Variants in ST6GAL1 observed in about 807,000 individuals in gnomAD.
ST6GAL1 encodes the protein ST6 beta-galactoside alpha-2,6-sialyltransferase 1.
Under a neutral mutation model 38.0 loss-of-function variants are expected in ST6GAL1, and 20 were observed. The ratio of observed to expected loss-of-function variants is 0.53; its 90% CI spans 0.37 to 0.77. The LOEUF (loss-of-function observed/expected upper bound fraction) is 0.77. ST6GAL1 is among the 30% of genes least tolerant of loss of function. The pLI is 0.00. For synonymous variants in ST6GAL1, 196 were observed against 188.2 expected (o/e 1.04, Z -0.34); for missense variants, 432 against 496.4 (o/e 0.87, Z 1.23).
intron 2 of ST6GAL1, among the ~76,000 whole-genome samples, chr3:187,024,491 TATAGAG>T (rs112680783): frequency 0.18 from 19,001 of 104,702 alleles, 1,277 homozygotes; most frequent in East Asian, 0.23. Context: ...TATATATATA[TATAGAG>T]AGAGAGAGAG....
chr3:186,979,604 C>A (rs1441164465), intron 2 of ST6GAL1, among the ~76,000 whole-genome samples: 3 of 152,152 alleles, frequency 2.0e-5, no homozygotes, highest in African/African-American at 7.2e-5. Context: ...CGGGGGCATC[C>A]TTCTGGCTGT....
intron 5 of ST6GAL1, among the ~76,000 whole-genome samples, chr3:187,066,601 C>CGTGT (rs3055152): frequency 0.1 from 15,335 of 148,722 alleles, 950 homozygotes; most frequent in East Asian, 0.17. Flanking sequence ...TGCGTGCGTG[C>CGTGT]GTGTGTGTGT....
At chr3:187,000,862 A>G (rs969922319) in intron 2 of ST6GAL1, among the ~76,000 whole-genome samples, 1 of 152,224 alleles carries the variant, frequency 6.6e-6, no homozygotes, top group Non-Finnish European at 1.5e-5. Flanking sequence ...CTGTTTTGCT[A>G]TTAATCACCA....
chr3:187,011,634 G>A (rs1002591063), intron 2 of ST6GAL1, among the ~76,000 whole-genome samples: 2 of 152,212 alleles, frequency 1.3e-5, no homozygotes, highest in African/African-American at 2.4e-5. Flanking sequence ...ACACAGGGAA[G>A]GCCCCTTGCA....
At chr3:186,999,066 T>C (rs949766968) in intron 2 of ST6GAL1, among the ~76,000 whole-genome samples, 1 of 152,232 alleles carries the variant, frequency 6.6e-6, no homozygotes, top group Non-Finnish European at 1.5e-5. Flanking sequence ...CCGGGGGCAA[T>C]GCAGGGGTAT....
chr3:187,013,319 G>A (rs150879285), intron 2 of ST6GAL1, among the ~76,000 whole-genome samples: 1 of 152,118 alleles, frequency 6.6e-6, no homozygotes, highest in African/African-American at 2.4e-5. Context: ...CCATAACTCT[G>A]TGAAATAGGG....
intron 2 of ST6GAL1, among the ~76,000 whole-genome samples, chr3:187,003,868 G>C (rs1465526958): frequency 1.3e-5 from 2 of 152,062 alleles, no homozygotes; most frequent in African/African-American, 4.8e-5. Flanking sequence ...TCCTCGTAAG[G>C]GTTCTTAGAA....
At chr3:187,056,455 A>G (rs1718705678) in intron 5 of ST6GAL1, among the ~76,000 whole-genome samples, 1 of 151,976 alleles carries the variant, frequency 6.6e-6, no homozygotes, top group Non-Finnish European at 1.5e-5. Flanking sequence ...ATTCCTTTCC[A>G]TGTTTAGTGC....
chr3:187,063,529 A>G (rs1039163213), intron 5 of ST6GAL1, among the ~76,000 whole-genome samples: 1 of 152,138 alleles, frequency 6.6e-6, no homozygotes, highest in African/African-American at 2.4e-5. Flanking sequence ...TTTAGAGAGA[A>G]ACCAATCTCT....
intron 2 of ST6GAL1, among the ~76,000 whole-genome samples, chr3:187,014,231 T>A (rs1009629433): frequency 6.6e-6 from 1 of 152,358 alleles, no homozygotes; most frequent in Admixed American, 6.5e-5. Flanking sequence ...AATTGCATGC[T>A]GATTAATAAT....
At chr3:187,007,834 A>C (rs1043991298) in intron 2 of ST6GAL1, among the ~76,000 whole-genome samples, 5 of 152,340 alleles carry the variant, frequency 3.3e-5, no homozygotes, top group African/African-American at 1.2e-4. Context: ...CTCAGCAGAG[A>C]ACTAGAAACT....
intron 2 of ST6GAL1, among the ~76,000 whole-genome samples, chr3:186,984,083 A>T (rs541538510): frequency 6.6e-6 from 1 of 152,306 alleles, no homozygotes; most frequent in Admixed American, 6.5e-5. Context: ...TTTCCATTAA[A>T]GTAGCACCAT....
intron 2 of ST6GAL1, among the ~76,000 whole-genome samples, chr3:187,025,798 C>T (rs974207022): frequency 6.6e-6 from 1 of 152,028 alleles, no homozygotes; most frequent in Non-Finnish European, 1.5e-5. Context: ...GGTCAGGGAC[C>T]GCAGCCTGAC....
At chr3:187,057,940 T>C (rs1560179674) in intron 5 of ST6GAL1, among the ~76,000 whole-genome samples, 1 of 152,174 alleles carries the variant, frequency 6.6e-6, no homozygotes, top group Non-Finnish European at 1.5e-5. Context: ...TGACCTGCAG[T>C]GGGCTCCACC....
intron 2 of ST6GAL1, among the ~76,000 whole-genome samples, chr3:187,019,279 A>G (rs751431531): frequency 3.3e-5 from 5 of 152,226 alleles, no homozygotes; most frequent in Non-Finnish European, 4.4e-5. Flanking sequence ...GAGATATGAA[A>G]AATCTATAGC....
chr3:187,007,979 T>C (rs1716836234), intron 2 of ST6GAL1, among the ~76,000 whole-genome samples: 1 of 64,174 alleles, frequency 1.6e-5, no homozygotes, highest in African/African-American at 4.5e-5. Context: ...ATATACATTA[T>C]GAAACAAAAA....
intron 2 of ST6GAL1, among the ~76,000 whole-genome samples, chr3:186,995,531 A>AAAAAAAAAAAAAAT (rs1716372524): frequency 6.9e-6 from 1 of 145,268 alleles, no homozygotes; most frequent in Non-Finnish European, 1.5e-5. Context: ...ATAAAATAAA[A>AAAAAAAAAAAAAAT]AAAAAATAAA....
At chr3:187,073,449 AC>A (rs1719451927) in intron 6 of ST6GAL1, 1 of 164,256 alleles carries the variant, frequency 6.1e-6, no homozygotes, top group Admixed American at 5.8e-5. Flanking sequence ...CCATTCCAGG[AC>A]TTGATTTACT....
chr3:187,052,948 C>T (rs557246751), intron 5 of ST6GAL1, among the ~76,000 whole-genome samples: 1 of 152,348 alleles, frequency 6.6e-6, no homozygotes, highest in African/African-American at 2.4e-5. Context: ...TCCACATCCT[C>T]TCCAGCATCT....
Sources: gnomAD v4.1 joint callset for allele counts (sites outside exome capture counted in the v4.1 genomes callset) on GRCh38, gnomAD v4.1.1 for gene constraint, MANE v1.5 for transcripts, NCBI Gene and HGNC (gene_info 2026-07-23, HGNC 2026-07-21) for gene names.